The following ABTB2 variants were observed in gnomAD, a reference collection of about 807,000 sequenced individuals.
The protein encoded by ABTB2 is ankyrin repeat and BTB domain containing 2.
In ABTB2, 56 loss-of-function variants were observed where a neutral mutation model predicts 104.1. The ratio of observed to expected loss-of-function variants is 0.54; its 90% CI spans 0.43 to 0.67. The LOEUF (loss-of-function observed/expected upper bound fraction) is 0.67, where lower values mean the gene tolerates loss of function less well. Ranked by LOEUF, ABTB2 falls within the 30% of genes least tolerant of loss-of-function variation. ABTB2 has a pLI of 0.00. For synonymous variants in ABTB2, 606 were observed against 608.2 expected (o/e 1.00, Z 0.05); for missense variants, 1,279 against 1,407.7 (o/e 0.91, Z 1.46).
intron 1 of ABTB2, among the ~76,000 whole-genome samples, chr11:34,319,526 G>C (rs553814911): frequency 2.6e-5 from 4 of 152,314 alleles, no homozygotes; most frequent in South Asian, 4.1e-4. Flanking sequence ...CACCTCTGAA[G>C]TCATTACCAA....
Position 34,252,851 on chromosome 11 carries a change from G to A in ABTB2, c.884-48161C>T, listed in dbSNP as rs1020014708. Among the ~76,000 whole-genome samples the A allele has an allele frequency of 1.3e-5, 2 of 151,984 alleles. No individual in the cohort carries two copies. Among genetic ancestry groups the A allele is most frequent in the African/African-American group, 4.8e-5 (2 of 41,380 alleles). On this transcript the variant is annotated intron_variant, in intron 1 of 16. Coordinates refer to ENST00000435224, the MANE Select transcript of ABTB2 (RefSeq NM_145804.3). The surrounding 1 kb of genome is among the most constrained non-coding windows in gnomAD (Gnocchi z 5.5). ...GGACCTCCTGGGAGCTTGGACACCT[G>A]GGCCTCTCCTGCCCAACCCAGGTGG...
intron 1 of ABTB2, among the ~76,000 whole-genome samples, chr11:34,275,774 C>T (rs1041518899): frequency 3.9e-5 from 6 of 152,210 alleles, no homozygotes; most frequent in Non-Finnish European, 5.9e-5. Flanking sequence ...TAATAATACA[C>T]TCTGCCAATC....
chr11:34,158,507 T>G (rs1174430313), intron 14 of ABTB2, among the ~76,000 whole-genome samples: 1 of 152,236 alleles, frequency 6.6e-6, no homozygotes, highest in Non-Finnish European at 1.5e-5. Flanking sequence ...AAACCACTCC[T>G]GTGCAGGGCA....
chr11:34,325,950 A>AAAAATATAAAATAAAATAAAAT (rs1230295117), intron 1 of ABTB2, among the ~76,000 whole-genome samples: 46 of 117,922 alleles, frequency 3.9e-4, no homozygotes, highest in African/African-American at 1.4e-4. Context: ...GACAGTCTCA[A>AAAAATATAAAATAAAATAAAAT]AAAATAAAAT....
intron 1 of ABTB2, among the ~76,000 whole-genome samples, chr11:34,238,834 A>G (rs1284763409): frequency 6.6e-6 from 1 of 152,008 alleles, no homozygotes; most frequent in Non-Finnish European, 1.5e-5. Context: ...GCTCACTGCA[A>G]CCTTGGCCTC....
chr11:34,311,505 G>A (rs886694943), intron 1 of ABTB2, among the ~76,000 whole-genome samples: 1 of 152,104 alleles, frequency 6.6e-6, no homozygotes. Flanking sequence ...GGCCACTCTC[G>A]GAACCAGATT....
In ABTB2 at chr11:34,162,565, T is replaced by C. The variant is rs1448115549; in HGVS notation, c.2218+11A>G. The C allele has an allele frequency of 1.1e-5, 17 of 1,612,178 alleles. No individual in the cohort carries two copies. The highest frequency in any genetic ancestry group is 1.4e-5 in the Non-Finnish European group (16 of 1,179,160). ...GCATGGACATGGGTGTGCATGCCCG[T>C]GAGGCCTCACCCAGTGCCCTCAGCT... On this transcript the variant is annotated intron_variant, in intron 10 of 16. Coordinates refer to ENST00000435224, the MANE Select transcript of ABTB2 (RefSeq NM_145804.3).
At chr11:34,303,270 C>T (rs772651893) in intron 1 of ABTB2, among the ~76,000 whole-genome samples, 2 of 152,218 alleles carry the variant, frequency 1.3e-5, no homozygotes, top group Non-Finnish European at 2.9e-5. Context: ...CAGGCCAGCC[C>T]ACCAACTACT....
chr11:34,335,849 A>G (rs1029133063), intron 1 of ABTB2: 2 of 1,202,696 alleles, frequency 1.7e-6, no homozygotes, highest in Non-Finnish European at 2.5e-6. Flanking sequence ...ACCTTTTGAG[A>G]GCATATATCT....
chr11:34,238,425 G>A (rs1164600880), intron 1 of ABTB2, among the ~76,000 whole-genome samples: 3 of 152,292 alleles, frequency 2.0e-5, no homozygotes, highest in African/African-American at 4.8e-5. Context: ...ATCTCCATGA[G>A]GGCAGGGCTT....
chr11:34,337,753 C>T (rs1029965281), intron 1 of ABTB2, among the ~76,000 whole-genome samples: 5 of 152,162 alleles, frequency 3.3e-5, no homozygotes, highest in African/African-American at 1.2e-4. Flanking sequence ...TCATAGTAGG[C>T]ATTCGGCAAA....
chr11:34,196,954 C>G (rs1414495988), intron 3 of ABTB2, among the ~76,000 whole-genome samples: 2 of 152,238 alleles, frequency 1.3e-5, no homozygotes, highest in African/African-American at 2.4e-5. Flanking sequence ...TCCCACCTAG[C>G]CCCCATCCTA....
Position 34,164,784 on chromosome 11 carries a change from G to T in ABTB2, c.1890C>A (p.Gly630=). ...CCAGCATGCTGAGGAGGGGGTCGGC[G>T]CCTCGGCTCAGCAACAAACTGACCA... ...YELVSLLLSR[G]ADPLLSMLEA... is the part of the protein sequence containing the mutation. The change falls in exon 9 of 17, where the codon GGC becomes GGA. Residue 630 remains glycine (G), a synonymous_variant. Transcript: ENST00000435224. 1 of 1,577,192 alleles carries T rather than the reference G, an allele frequency of 6.3e-7. No homozygotes were observed. The highest frequency in any genetic ancestry group is 8.6e-7 in the Non-Finnish European group (1 of 1,167,854).
chr11:34,331,459 T>C (rs993909420), intron 1 of ABTB2, among the ~76,000 whole-genome samples: 2 of 152,174 alleles, frequency 1.3e-5, no homozygotes, highest in African/African-American at 2.4e-5. Flanking sequence ...ATACCAGCCA[T>C]GTGTATTTTG....
chr11:34,250,161 G>A (rs1854038202), intron 1 of ABTB2, among the ~76,000 whole-genome samples: 1 of 152,156 alleles, frequency 6.6e-6, no homozygotes, highest in African/African-American at 2.4e-5. Context: ...GAGCACAGAG[G>A]AGGGAAGGCT....
At chr11:34,262,172 T>C (rs1370489935) in intron 1 of ABTB2, among the ~76,000 whole-genome samples, 1 of 152,240 alleles carries the variant, frequency 6.6e-6, no homozygotes, top group Non-Finnish European at 1.5e-5. Context: ...CAGTAAATGG[T>C]GGCCTCAGTT....
chr11:34,258,121 C>T (rs938688489), intron 1 of ABTB2, among the ~76,000 whole-genome samples: 1 of 152,148 alleles, frequency 6.6e-6, no homozygotes, highest in African/African-American at 2.4e-5. Flanking sequence ...CTCAATAACT[C>T]CAATCTGTGT....
chr11:34,330,505 G>C (rs143063969), intron 1 of ABTB2, among the ~76,000 whole-genome samples: 3 of 152,364 alleles, frequency 2.0e-5, no homozygotes, highest in East Asian at 1.9e-4. Context: ...GAGATCAAAT[G>C]AGAAAGAATG....
At chr11:34,159,010 A>C (rs1192594673) in intron 14 of ABTB2, among the ~76,000 whole-genome samples, 1 of 152,190 alleles carries the variant, frequency 6.6e-6, no homozygotes, top group Non-Finnish European at 1.5e-5. Flanking sequence ...CTCACACCCC[A>C]GCTGTGTGGC....
Sources: allele counts gnomAD v4.1 joint callset (sites outside exome capture counted in the v4.1 genomes callset), GRCh38; gene constraint gnomAD v4.1.1; non-coding constraint Gnocchi (gnomAD v3.1); transcripts MANE v1.5; gene names NCBI Gene and HGNC (gene_info 2026-07-23, HGNC 2026-07-21).